The following ARHGAP24 variants were observed in gnomAD, a reference collection of about 807,000 sequenced individuals.
ARHGAP24 encodes rho GTPase-activating protein 24.
Under a neutral mutation model 76.4 loss-of-function variants are expected in ARHGAP24, and 50 were observed. That is an observed-to-expected ratio of 0.65 (90% CI 0.52 to 0.83). ARHGAP24 has a LOEUF of 0.83. Among genes scored for constraint, ARHGAP24 ranks in the 40% least tolerant of loss-of-function variants. The probability of loss-of-function intolerance (pLI) is 0.00; values close to 1 mark genes in which losing one functional copy is unlikely to be tolerated. For missense variants in ARHGAP24, 930 were observed against 914.2 expected, an observed-to-expected ratio of 1.02 and a Z score of -0.22; for synonymous variants, 345 against 323.3, an observed-to-expected ratio of 1.07 and a Z score of -0.72.
At chr4:85,785,601 A>G (rs923672425) in intron 3 of ARHGAP24, among the ~76,000 whole-genome samples, 5 of 152,090 alleles carry the variant, frequency 3.3e-5, no homozygotes, top group Admixed American at 6.6e-5. Context: ...CCTTTGTTCA[A>G]TGCTTATATG....
At chr4:85,937,663 G>A (rs527520800) in intron 4 of ARHGAP24, among the ~76,000 whole-genome samples, 10 of 152,244 alleles carry the variant, frequency 6.6e-5, no homozygotes, top group African/African-American at 2.2e-4. Flanking sequence ...AACATGGGAC[G>A]TGTCAGGAAG....
chr4:85,509,525 T>C (rs1014199716), intron 1 of ARHGAP24, among the ~76,000 whole-genome samples: 6 of 152,000 alleles, frequency 3.9e-5, no homozygotes, highest in Admixed American at 2.0e-4. Flanking sequence ...ATTAAATATA[T>C]AAATATTTTT....
chr4:85,630,991 ATATACACACACATGCATGTG>A (rs1376941306), intron 2 of ARHGAP24, among the ~76,000 whole-genome samples: 2 of 152,028 alleles, frequency 1.3e-5, no homozygotes, highest in African/African-American at 2.4e-5. Flanking sequence ...ACACACGTAT[ATATACACACACATGCATGTG>A]TATACACACA....
At chr4:85,917,702 A>C (rs1735503000) in intron 3 of ARHGAP24, among the ~76,000 whole-genome samples, 1 of 152,146 alleles carries the variant, frequency 6.6e-6, no homozygotes, top group African/African-American at 2.4e-5. Flanking sequence ...TGGCTGCATA[A>C]ATGTCTTCTT....
rs573981226 is a variant in ARHGAP24 at position 85,615,826 on chromosome 4, A to G, written c.180+45105A>G. Among the ~76,000 whole-genome samples, 9 of 152,348 alleles carry G rather than the reference A, an allele frequency of 5.9e-5. No homozygotes were observed. The South Asian group carries it at 1.7e-3, about 28-fold the overall frequency. On this transcript the variant is annotated intron_variant, in intron 2 of 9. Transcript: ENST00000395184. ...TTTTCAATCAATAAGTTTTCAATCA[A>G]TAAGCATTTCTAACTCATGTAAACA...
intron 2 of ARHGAP24, among the ~76,000 whole-genome samples, chr4:85,674,166 G>A (rs969480599): frequency 4.6e-5 from 7 of 152,072 alleles, no homozygotes; most frequent in African/African-American, 1.4e-4. Context: ...CTGCGGTGGG[G>A]CCCAATAATT....
At chr4:85,703,029 G>C (rs1024562553) in intron 2 of ARHGAP24, among the ~76,000 whole-genome samples, 6 of 151,388 alleles carry the variant, frequency 4.0e-5, no homozygotes, top group Admixed American at 6.6e-5. Context: ...GGAAAGAATA[G>C]AGAAGAGAAA....
chr4:85,834,648 G>A (rs1286948017), intron 3 of ARHGAP24, among the ~76,000 whole-genome samples: 1 of 152,200 alleles, frequency 6.6e-6, no homozygotes, highest in African/African-American at 2.4e-5. Context: ...CGTCCACGTG[G>A]TTTCTGGAAG....
intron 8 of ARHGAP24, among the ~76,000 whole-genome samples, chr4:85,979,303 T>C (rs1161851108): frequency 1.3e-5 from 2 of 152,216 alleles, no homozygotes; most frequent in Admixed American, 1.3e-4. Context: ...TATGTGGTTT[T>C]TTCAACTCGT....
intron 1 of ARHGAP24, among the ~76,000 whole-genome samples, chr4:85,483,736 C>T (rs920303977): frequency 6.6e-6 from 1 of 151,934 alleles, no homozygotes; most frequent in Non-Finnish European, 1.5e-5. Context: ...GAAAAATGTG[C>T]TTCTGATTAT....
rs747959632 is a variant in ARHGAP24 at position 85,942,193 on chromosome 4, C to T, written c.519C>T (p.Leu173=). 3.1e-6 allele frequency: 5 copies of T among 1,614,082 alleles called. No individual in the cohort carries two copies. In the South Asian group the frequency reaches 4.4e-5, roughly 14 times the overall value. The stretch of plus-strand genomic sequence containing the variant: ...AAAGGGGGCTGAAAGAAGAGGGTCT[C>T]TTTCGACTGCCAGGCCAGGCTAATC... The part of the protein sequence containing the change: ...IRQRGLKEEG[L]FRLPGQANLV... The change falls in exon 5 of 10, where the codon CTC becomes CTT. Residue 173 remains leucine (L), a synonymous_variant. Coordinates refer to ENST00000395184, the MANE Select transcript of ARHGAP24 (RefSeq NM_001025616.3).
intron 8 of ARHGAP24, among the ~76,000 whole-genome samples, chr4:85,981,526 G>A (rs1739668342): frequency 6.6e-6 from 1 of 152,312 alleles, no homozygotes; most frequent in Admixed American, 6.5e-5. Flanking sequence ...CCATGTGTGT[G>A]TAAAGGATCC....
intron 2 of ARHGAP24, among the ~76,000 whole-genome samples, chr4:85,696,327 A>T (rs1355816422): frequency 6.6e-6 from 1 of 152,158 alleles, no homozygotes; most frequent in Admixed American, 6.5e-5. Context: ...TACATATTGA[A>T]TGTATTTATT....
chr4:85,974,991 C>T (rs770346210), intron 7 of ARHGAP24, 30 bp downstream of exon 7: 1 of 1,575,712 alleles, frequency 6.3e-7, no homozygotes, highest in East Asian at 2.2e-5. Flanking sequence ...CAAACGTAAA[C>T]AAGACAAGAC....
At chr4:85,655,517 CATG>C (rs1722106334) in intron 2 of ARHGAP24, among the ~76,000 whole-genome samples, 1 of 63,716 alleles carries the variant, frequency 1.6e-5, no homozygotes, top group Non-Finnish European at 2.9e-5. Context: ...GCACGGTGGC[CATG>C]CCTGTAACCC....
At chr4:85,656,937 G>C (rs1722198888) in intron 2 of ARHGAP24, among the ~76,000 whole-genome samples, 1 of 142,352 alleles carries the variant, frequency 7.0e-6, no homozygotes. Context: ...TTCTTGGCTG[G>C]AGTGTAAGCT....
chr4:85,922,487 A>G (rs1278230005), intron 3 of ARHGAP24, among the ~76,000 whole-genome samples: 3 of 152,254 alleles, frequency 2.0e-5, no homozygotes, highest in African/African-American at 7.2e-5. Context: ...TCAGATATGA[A>G]TTAATTCAAC....
At chr4:85,876,039 A>G (rs1157243506) in intron 3 of ARHGAP24, among the ~76,000 whole-genome samples, 1 of 152,106 alleles carries the variant, frequency 6.6e-6, no homozygotes, top group Non-Finnish European at 1.5e-5. Context: ...CACTGCACTC[A>G]GCTGGAATAG....
chr4:85,685,136 T>A (rs1408543526), intron 2 of ARHGAP24, among the ~76,000 whole-genome samples: 1 of 152,220 alleles, frequency 6.6e-6, no homozygotes, highest in Non-Finnish European at 1.5e-5. Context: ...ATCCAAACAT[T>A]CTTATATGCA....
Sources: allele counts gnomAD v4.1 joint callset (sites outside exome capture counted in the v4.1 genomes callset), GRCh38; gene constraint gnomAD v4.1.1; transcripts MANE v1.5; gene names NCBI Gene and HGNC (gene_info 2026-07-23, HGNC 2026-07-21).